The following OIT3 variants were observed in gnomAD, a reference collection of about 807,000 sequenced individuals.
The protein encoded by OIT3 is oncoprotein-induced transcript 3 protein.
Under a neutral mutation model 52.2 loss-of-function variants are expected in OIT3, and 41 were observed. That is an observed-to-expected ratio of 0.79 (90% confidence interval 0.61 to 1.02). OIT3 has a LOEUF of 1.02. OIT3 is among the 50% of genes least tolerant of loss of function. The pLI is 0.00. For missense variants in OIT3, 634 were observed against 715.5 expected (o/e 0.89, Z 1.30); for synonymous variants, 244 against 276.9 (o/e 0.88, Z 1.18).
intron 6 of OIT3, among the ~76,000 whole-genome samples, chr10:72,920,224 G>A (rs1321058840): frequency 6.6e-6 from 1 of 152,154 alleles, no homozygotes; most frequent in Non-Finnish European, 1.5e-5. Context: ...GCATAGAGGT[G>A]TTTATAATAT....
At chr10:72,919,527 G>T (rs1244403178) in intron 6 of OIT3, among the ~76,000 whole-genome samples, 2 of 152,104 alleles carry the variant, frequency 1.3e-5, no homozygotes, top group Non-Finnish European at 2.9e-5. Context: ...TCTTGTGCTT[G>T]TTTTGAAGGG....
chr10:72,913,505 A>T (rs1846048817), intron 6 of OIT3, 37 bp downstream of exon 6: 1 of 1,553,990 alleles, frequency 6.4e-7, no homozygotes, highest in African/African-American at 1.4e-5. Flanking sequence ...GGAATGACCA[A>T]AAGCCGGTTA....
intron 6 of OIT3, among the ~76,000 whole-genome samples, chr10:72,922,640 C>T (rs938765476): frequency 6.6e-6 from 1 of 152,098 alleles, no homozygotes; most frequent in Admixed American, 6.5e-5. Flanking sequence ...TCCTTTAGCT[C>T]AGCGAAGTTC....
Position 72,911,762 on chromosome 10 carries a change from G to A in OIT3, c.713G>A (p.Cys238Tyr). 6.2e-7 allele frequency: 1 copy of A among 1,613,866 alleles called. No homozygotes were observed. Among genetic ancestry groups the A allele is most frequent in the Non-Finnish European group, 8.5e-7 (1 of 1,179,848 alleles). The change falls in exon 5 of 9, where the codon TGC (cysteine) becomes TAC (tyrosine). Residue 238 changes from cysteine to tyrosine, a missense_variant. Cys to Tyr is a radical substitution (Grantham distance 194). Transcript: ENST00000334011. ...HNNNGGCSHS[C>Y]LGSEKGYQCE... ...AACAATGGTGGCTGCAGCCACTCTTGCCTTGGATCTGAGAAAGGCTACCAG... is the reference window on the plus strand; with the variant it reads ...AACAATGGTGGCTGCAGCCACTCTTACCTTGGATCTGAGAAAGGCTACCAG...
At chr10:72,898,011 C>A (rs2132922158) in intron 1 of OIT3, among the ~76,000 whole-genome samples, 1 of 151,982 alleles carries the variant, frequency 6.6e-6, no homozygotes, top group East Asian at 1.9e-4. Context: ...CGGCCGAGCA[C>A]CAGATTCATG....
chr10:72,905,331 C>G (rs935275399), intron 3 of OIT3, among the ~76,000 whole-genome samples: 7 of 151,960 alleles, frequency 4.6e-5, no homozygotes, highest in African/African-American at 1.7e-4. Context: ...ATTAGCTGGG[C>G]GTGGTGGTGC....
chr10:72,932,483 A>T lies in OIT3; in HGVS notation c.1597A>T (p.Thr533Ser), dbSNP rs1564598278. ...GEDSAGLQGQTLTGGPIRIDW... is the reference protein window; with the variant it reads ...GEDSAGLQGQSLTGGPIRIDW... ...GGACTCAGCCGGTCTACAGGGCCAG[A>T]CGCTAACAGGCGGCCCGATCCGCAT... The change falls in exon 9 of 9, where the codon ACG becomes TCG. Residue 533 changes from threonine to serine, a missense_variant. Thr to Ser is a moderately conservative substitution (Grantham distance 58). Transcript: ENST00000334011. The T allele has an allele frequency of 6.2e-7, 1 of 1,613,400 alleles. No homozygotes were observed.
chr10:72,893,876 G>A lies in OIT3; in HGVS notation c.61+17G>A. ...CACCCGTGGGTGAGTCTCATGTCAA[G>A]AACTTGGCACAATGCACTTTTTGTT... On this transcript the variant is annotated intron_variant, in intron 1 of 8. Coordinates refer to ENST00000334011, the MANE Select transcript of OIT3 (RefSeq NM_152635.3). The A allele has an allele frequency of 6.2e-7, 1 of 1,600,348 alleles. No individual in the cohort carries two copies. The highest frequency in any genetic ancestry group is 8.5e-7 in the Non-Finnish European group (1 of 1,172,810).
At chr10:72,907,452 G>T (rs775519677) in intron 4 of OIT3, among the ~76,000 whole-genome samples, 2 of 152,142 alleles carry the variant, frequency 1.3e-5, no homozygotes, top group African/African-American at 2.4e-5. Flanking sequence ...CACCTGGACT[G>T]GCCAGGTAAT....
Position 72,932,459 on chromosome 10 carries a change from G to A in OIT3, c.1573G>A (p.Asp525Asn). Residue 525 changes from aspartate (D) to asparagine (N), a missense_variant, in exon 9 of 9, where the codon GAC (aspartate) becomes AAC (asparagine). By Grantham distance (23) the Asp-to-Asn change is conservative (BLOSUM62 1). Coordinates refer to ENST00000334011, the MANE Select transcript of OIT3 (RefSeq NM_152635.3). ...AATGCGTCGTGGGGCAGGAGGAGAG[G>A]ACTCAGCCGGTCTACAGGGCCAGAC... ...RRMRRGAGGEDSAGLQGQTLT... is the reference protein window; with the variant it reads ...RRMRRGAGGENSAGLQGQTLT... The A allele has an allele frequency of 6.2e-7, 1 of 1,614,092 alleles. No homozygotes were observed. Among genetic ancestry groups the A allele is most frequent in the Non-Finnish European group, 8.5e-7 (1 of 1,179,982 alleles).
At position 72,913,306 on chromosome 10, in the gene OIT3, A is replaced by G. The variant is rs1846046063; in HGVS notation, c.791-2A>G. ...TCTAACAGTGGCCCTTTTTCTCTGCAGTCCCTGTGTTGTGCAAATCAAATG... is the reference window on the plus strand; with the variant it reads ...TCTAACAGTGGCCCTTTTTCTCTGCGGTCCCTGTGTTGTGCAAATCAAATG... On this transcript the variant is annotated splice_acceptor_variant, in intron 5 of 8. Coordinates refer to ENST00000334011, the MANE Select transcript of OIT3 (RefSeq NM_152635.3). LOFTEE classifies it high-confidence loss of function. 1.9e-6 allele frequency: 3 copies of G among 1,576,730 alleles called. No individual in the cohort carries two copies. The highest frequency in any genetic ancestry group is 2.6e-6 in the Non-Finnish European group (3 of 1,153,648).
chr10:72,917,884 C>A, intron 6 of OIT3: 1 of 1,249,186 alleles, frequency 8.0e-7, no homozygotes, highest in Admixed American at 1.7e-5. Flanking sequence ...GGTTTTGAGT[C>A]TTTTCCATTC....
chr10:72,927,772 G>A (rs958959020), intron 7 of OIT3, among the ~76,000 whole-genome samples: 2 of 152,056 alleles, frequency 1.3e-5, no homozygotes, highest in East Asian at 1.9e-4. Flanking sequence ...CTGACTTTGC[G>A]CATGCTGTTT....
chr10:72,918,882 A>G (rs1846098087), intron 6 of OIT3, among the ~76,000 whole-genome samples: 1 of 152,148 alleles, frequency 6.6e-6, no homozygotes, highest in Admixed American at 6.5e-5. Context: ...GTAGCCCTGT[A>G]GCATAATTTG....
At chr10:72,905,438 T>C (rs1179894300) in intron 3 of OIT3, among the ~76,000 whole-genome samples, 1 of 151,970 alleles carries the variant, frequency 6.6e-6, no homozygotes, top group East Asian at 1.9e-4. Context: ...ACCACTGCAC[T>C]CCAGTCTGGG....
chr10:72,917,820 G>T (rs1327422814), intron 6 of OIT3: 36 of 1,401,534 alleles, frequency 2.6e-5, no homozygotes, highest in Non-Finnish European at 3.4e-5. Context: ...TGTTTTAGGA[G>T]TTTTTTCCTG....
At position 72,932,372 on chromosome 10, in the gene OIT3, C is replaced by T. The variant is rs372988225; in HGVS notation, c.1486C>T (p.Arg496Trp). The part of the protein sequence containing the change: ...KDHKEVFLHC[R>W]VLVCGVLDER... ...TCTTCAGGAAGTGTTTCTGCACTGC[C>T]GGGTTCTTGTCTGTGGAGTGTTGGA... Residue 496 changes from arginine (R) to tryptophan (W), a missense_variant, in exon 9 of 9, where the codon CGG becomes TGG. Arg to Trp is a moderately radical substitution (Grantham distance 101). Coordinates refer to ENST00000334011, the MANE Select transcript of OIT3 (RefSeq NM_152635.3). 6.2e-6 allele frequency: 10 copies of T among 1,614,186 alleles called. No individual in the cohort carries two copies. The highest frequency in any genetic ancestry group is 2.2e-5 in the East Asian group (1 of 44,872).
At chr10:72,914,492 G>C (rs1439401514) in intron 6 of OIT3, among the ~76,000 whole-genome samples, 1 of 152,202 alleles carries the variant, frequency 6.6e-6, no homozygotes, top group Non-Finnish European at 1.5e-5. Flanking sequence ...AGACAAGTGA[G>C]GGATATTCAA....
chr10:72,918,168 G>A (rs1846090162), intron 6 of OIT3: 3 of 1,243,390 alleles, frequency 2.4e-6, no homozygotes, highest in Non-Finnish European at 3.5e-6. Context: ...TTCTGACTCT[G>A]CATCTTCCTC....
Sources: allele counts gnomAD v4.1 joint callset (sites outside exome capture counted in the v4.1 genomes callset), GRCh38; gene constraint gnomAD v4.1.1; transcripts MANE v1.5; gene names NCBI Gene and HGNC (gene_info 2026-07-23, HGNC 2026-07-21).